Variants in CSTPP1 observed in about 807,000 individuals in gnomAD.
The protein encoded by CSTPP1 is UPF0705 protein C11orf49.
chr11:47,151,014 G>C, the CSTPP1 span, among the ~76,000 whole-genome samples: 2 of 151,172 alleles, frequency 1.3e-5, no homozygotes, highest in Non-Finnish European at 2.9e-5. Flanking sequence ...AGCCTCTTGA[G>C]TAGCTGGGAT....
At chr11:47,057,253 T>G in the CSTPP1 span, among the ~76,000 whole-genome samples, 1 of 152,210 alleles carries the variant, frequency 6.6e-6, no homozygotes, top group Admixed American at 6.5e-5. Flanking sequence ...ATAGGAATAT[T>G]AATCTGAATT....
At chr11:47,117,391 T>C in the CSTPP1 span, among the ~76,000 whole-genome samples, 1 of 152,250 alleles carries the variant, frequency 6.6e-6, no homozygotes, top group Non-Finnish European at 1.5e-5. Flanking sequence ...CCTTCATTTA[T>C]GAAGTTTAGT....
the CSTPP1 span, among the ~76,000 whole-genome samples, chr11:47,119,239 C>G: frequency 1.1e-4 from 17 of 152,262 alleles, no homozygotes; most frequent in Non-Finnish European, 2.5e-4. Context: ...GAGCAAGGTT[C>G]TGTGGGCGTG....
the CSTPP1 span, among the ~76,000 whole-genome samples, chr11:47,061,921 C>T: frequency 1.1e-4 from 16 of 152,186 alleles, no homozygotes; most frequent in Admixed American, 1.0e-3. Context: ...ATTTAATGTT[C>T]TCTTTTTTTT....
chr11:47,094,984 G>A, the CSTPP1 span, among the ~76,000 whole-genome samples: 2 of 152,166 alleles, frequency 1.3e-5, no homozygotes, highest in African/African-American at 4.8e-5. Flanking sequence ...AAATAAAACT[G>A]TTGTGTTATT....
At chr11:46,976,781 C>T in the CSTPP1 span, among the ~76,000 whole-genome samples, 1 of 152,126 alleles carries the variant, frequency 6.6e-6, no homozygotes, top group African/African-American at 2.4e-5. Context: ...ATACCAAAAT[C>T]TGTGCATACT....
chr11:46,991,586 C>G, the CSTPP1 span: 1 of 152,102 alleles, frequency 6.6e-6, no homozygotes, highest in African/African-American at 2.4e-5. Context: ...AGTTTCTATA[C>G]CATTTAATCT....
the CSTPP1 span, among the ~76,000 whole-genome samples, chr11:47,019,555 A>C: frequency 6.6e-6 from 1 of 152,188 alleles, no homozygotes; most frequent in Non-Finnish European, 1.5e-5. Flanking sequence ...GGGAATAGAG[A>C]GCACCAAGGA....
At chr11:47,121,321 C>A in the CSTPP1 span, among the ~76,000 whole-genome samples, 1 of 152,096 alleles carries the variant, frequency 6.6e-6, no homozygotes, top group South Asian at 2.1e-4. Context: ...GTCTTGGAAC[C>A]CTGTAAGTTA....
the CSTPP1 span, among the ~76,000 whole-genome samples, chr11:47,126,496 G>A: frequency 1.3e-5 from 2 of 152,136 alleles, no homozygotes; most frequent in Admixed American, 6.5e-5. Context: ...AGGCATGATG[G>A]TGCATGCCTG....
At chr11:46,960,565 G>A in the CSTPP1 span, among the ~76,000 whole-genome samples, 1 of 152,232 alleles carries the variant, frequency 6.6e-6, no homozygotes, top group East Asian at 1.9e-4. Context: ...ATGTTTTTAA[G>A]ATTCATCGAT....
chr11:47,092,321 A>G, the CSTPP1 span, among the ~76,000 whole-genome samples: 1 of 152,246 alleles, frequency 6.6e-6, no homozygotes, highest in South Asian at 2.1e-4. Context: ...AATATGAATG[A>G]TCAATAAACT....
the CSTPP1 span, among the ~76,000 whole-genome samples, chr11:47,033,733 C>G: frequency 2.8e-4 from 43 of 152,324 alleles, no homozygotes; most frequent in African/African-American, 9.1e-4. Context: ...TGGTGTAATC[C>G]TCCCAGACTT....
the CSTPP1 span, among the ~76,000 whole-genome samples, chr11:46,970,831 C>A: frequency 1.8e-4 from 28 of 152,138 alleles, no homozygotes; most frequent in Admixed American, 1.8e-3. Flanking sequence ...TCATGTGCAA[C>A]ATTCTTCATA....
the CSTPP1 span, among the ~76,000 whole-genome samples, chr11:47,053,623 AAAAAAAAAAAAG>A: frequency 6.6e-5 from 10 of 151,240 alleles, no homozygotes; most frequent in Admixed American, 2.0e-4. Context: ...CTGCCTCAAA[AAAAAAAAAAAAG>A]AAAAAAGAAA....
chr11:47,042,441 A>G, the CSTPP1 span, among the ~76,000 whole-genome samples: 2 of 151,354 alleles, frequency 1.3e-5, no homozygotes, highest in African/African-American at 4.9e-5. Context: ...ATGTATATAC[A>G]TATGTACTTA....
chr11:47,163,439 G>C, the CSTPP1 span, among the ~76,000 whole-genome samples: 2 of 152,060 alleles, frequency 1.3e-5, no homozygotes. Context: ...GGCTCCCTCT[G>C]CCCATCCTTT....
chr11:47,135,943 T>G, the CSTPP1 span, among the ~76,000 whole-genome samples: 1 of 152,146 alleles, frequency 6.6e-6, no homozygotes, highest in Non-Finnish European at 1.5e-5. Context: ...GAAGCTAATG[T>G]TGACTCCTAG....
chr11:47,028,047 C>A, the CSTPP1 span, among the ~76,000 whole-genome samples: 1 of 151,958 alleles, frequency 6.6e-6, no homozygotes, highest in Non-Finnish European at 1.5e-5. Context: ...CCTCAGCCTC[C>A]CAAGTAGCTG....
Sources: allele counts gnomAD v4.1 joint callset (sites outside exome capture counted in the v4.1 genomes callset), GRCh38; gene constraint gnomAD v4.1.1; transcripts MANE v1.5; gene names NCBI Gene and HGNC (gene_info 2026-07-23, HGNC 2026-07-21).